MSRA: variants seen among roughly 807,000 people sequenced by gnomAD.
MSRA encodes the protein methionine sulfoxide reductase A.
MSRA carries 54 observed loss-of-function variants against 31.3 expected under a neutral mutation model. The ratio of observed to expected loss-of-function variants is 1.73; its 90% CI spans 1.39 to 2.17. MSRA has a LOEUF of 2.17. Among genes scored for constraint, MSRA ranks in the 30% most tolerant of loss-of-function variants. MSRA has a pLI of 0.00. For synonymous variants in MSRA, 169 were observed against 116.5 expected, an observed-to-expected ratio of 1.45 and a Z score of -2.90; for missense variants, 507 against 300.9, an observed-to-expected ratio of 1.69 and a Z score of -5.07.
chr8:10,354,915 C>T (rs1467150575), intron 5 of MSRA, among the ~76,000 whole-genome samples: 1 of 152,080 alleles, frequency 6.6e-6, no homozygotes, highest in Non-Finnish European at 1.5e-5. Flanking sequence ...ATAAATGCTG[C>T]CGTGATGAGC....
intron 3 of MSRA, among the ~76,000 whole-genome samples, chr8:10,258,707 G>A (rs988660787): frequency 1.3e-5 from 2 of 152,164 alleles, no homozygotes; most frequent in Admixed American, 6.5e-5. Context: ...CTTCTCCCAC[G>A]TGGCAACTCT....
intron 1 of MSRA, among the ~76,000 whole-genome samples, chr8:10,081,687 AC>A (rs1798301437): frequency 6.6e-6 from 1 of 152,004 alleles, no homozygotes; most frequent in South Asian, 2.1e-4. Context: ...ACGGGGTTTC[AC>A]CATATTGGCC....
At chr8:10,057,714 C>G (rs185551880) in intron 1 of MSRA, among the ~76,000 whole-genome samples, 12 of 152,172 alleles carry the variant, frequency 7.9e-5, no homozygotes, top group African/African-American at 1.9e-4. Context: ...GTAGCTTGCC[C>G]CTTTGCGCTC....
intron 1 of MSRA, among the ~76,000 whole-genome samples, chr8:10,174,515 A>T (rs568365144): frequency 4.0e-5 from 6 of 151,790 alleles, no homozygotes; most frequent in Non-Finnish European, 7.4e-5. Flanking sequence ...TTCTCCCATG[A>T]CTTCCCAGCT....
chr8:10,190,206 T>A (rs1807391622), intron 1 of MSRA, among the ~76,000 whole-genome samples: 1 of 152,158 alleles, frequency 6.6e-6, no homozygotes, highest in Non-Finnish European at 1.5e-5. Context: ...TTTGTGGGCA[T>A]GAGGACCTTC....
intron 5 of MSRA, among the ~76,000 whole-genome samples, chr8:10,396,228 C>G (rs952952531): frequency 6.6e-6 from 1 of 152,196 alleles, no homozygotes; most frequent in African/African-American, 2.4e-5. Context: ...AGAAGCGTTT[C>G]CTGCACTCAG....
At position 10,256,373 on chromosome 8, in the gene MSRA, C is replaced by T. The variant is rs533654453; in HGVS notation, c.331+11150C>T. ...CCAGTTTGCTTGTCTATTCCCCTGC[C>T]GAAGAATATCTTGGATGTCTCCAAG... On this transcript the variant is annotated intron_variant, in intron 3 of 5. Transcript: ENST00000317173. Among the ~76,000 whole-genome samples the T allele has an allele frequency of 1.2e-4, 19 of 152,272 alleles. No individual in the cohort carries two copies. In the East Asian group the frequency reaches 1.5e-3, roughly 12 times the overall value.
chr8:10,280,156 C>A (rs753916234), intron 3 of MSRA, among the ~76,000 whole-genome samples: 2 of 151,696 alleles, frequency 1.3e-5, no homozygotes, highest in Admixed American at 6.6e-5. Context: ...TAGTTATGGC[C>A]CCCTTTTATT....
chr8:10,135,089 A>G (rs1000998212), intron 1 of MSRA, among the ~76,000 whole-genome samples: 1 of 152,264 alleles, frequency 6.6e-6, no homozygotes, highest in Non-Finnish European at 1.5e-5. Flanking sequence ...TCAAAGATCA[A>G]TGAGAGAGGC....
chr8:10,350,902 G>A (rs1184301635), intron 5 of MSRA, among the ~76,000 whole-genome samples: 1 of 152,212 alleles, frequency 6.6e-6, no homozygotes, highest in African/African-American at 2.4e-5. Context: ...GCAAGTCCAA[G>A]GCCGCCAGAG....
chr8:10,093,985 C>G (rs1469763117), intron 1 of MSRA, among the ~76,000 whole-genome samples: 1 of 152,172 alleles, frequency 6.6e-6, no homozygotes, highest in Non-Finnish European at 1.5e-5. Context: ...GTTAATCTTA[C>G]TGAGGATTCC....
chr8:10,106,313 C>T (rs370976841), intron 1 of MSRA, among the ~76,000 whole-genome samples: 5 of 152,298 alleles, frequency 3.3e-5, no homozygotes, highest in African/African-American at 1.2e-4. Flanking sequence ...CTCCCTTCAG[C>T]ATATAGGAAC....
At chr8:10,180,849 T>G (rs1806473435) in intron 1 of MSRA, among the ~76,000 whole-genome samples, 1 of 152,236 alleles carries the variant, frequency 6.6e-6, no homozygotes, top group Admixed American at 6.5e-5. Flanking sequence ...GATTAAGAGC[T>G]GTACTAAAAT....
At chr8:10,157,752 T>C (rs1326755589) in intron 1 of MSRA, among the ~76,000 whole-genome samples, 1 of 152,056 alleles carries the variant, frequency 6.6e-6, no homozygotes, top group Non-Finnish European at 1.5e-5. Flanking sequence ...CTGATAGGCC[T>C]CTCTCCCCCT....
intron 1 of MSRA, among the ~76,000 whole-genome samples, chr8:10,081,139 C>T (rs191976082): frequency 1.7e-3 from 261 of 152,278 alleles, no homozygotes; most frequent in African/African-American, 6.0e-3. Context: ...AGTTGGAGGG[C>T]CATCCACAGC....
intron 3 of MSRA, among the ~76,000 whole-genome samples, chr8:10,299,008 C>A (rs1563324175): frequency 6.6e-6 from 1 of 152,154 alleles, no homozygotes; most frequent in Non-Finnish European, 1.5e-5. Flanking sequence ...TTTACCCTGT[C>A]ACTAGCCAAG....
intron 1 of MSRA, among the ~76,000 whole-genome samples, chr8:10,118,565 C>T (rs1319074909): frequency 6.6e-6 from 1 of 152,134 alleles, no homozygotes; most frequent in African/African-American, 2.4e-5. Context: ...TTCTTCAGAA[C>T]CTGACCCCAA....
intron 1 of MSRA, among the ~76,000 whole-genome samples, chr8:10,100,273 G>A (rs1426322425): frequency 2.6e-5 from 4 of 152,158 alleles, no homozygotes; most frequent in Non-Finnish European, 5.9e-5. Flanking sequence ...TGAGGCCCAG[G>A]AGAGGGAGAG....
At chr8:10,170,042 AT>A (rs59946635) in intron 1 of MSRA, among the ~76,000 whole-genome samples, 157 of 90,372 alleles carry the variant, frequency 1.7e-3, no homozygotes, top group East Asian at 9.6e-3. Context: ...CCTGGCTAAT[AT>A]TTTTTTTTTT....
Sources: gnomAD v4.1 joint callset for allele counts (sites outside exome capture counted in the v4.1 genomes callset) on GRCh38, gnomAD v4.1.1 for gene constraint, MANE v1.5 for transcripts, NCBI Gene and HGNC (gene_info 2026-07-23, HGNC 2026-07-21) for gene names.